Variants in LUZP2 observed in about 807,000 individuals in gnomAD.
LUZP2 encodes leucine zipper protein 2.
LUZP2 carries 52 observed loss-of-function variants against 51.6 expected under a neutral mutation model. The observed-to-expected ratio is 1.01, with a 90% CI of 0.81 to 1.27. LUZP2 has a LOEUF of 1.27. Among genes scored for constraint, LUZP2 ranks in the 50% most tolerant of loss-of-function variants. The probability of loss-of-function intolerance (pLI) is 0.00; values close to 1 mark genes in which losing one functional copy is unlikely to be tolerated. For missense variants in LUZP2, 436 were observed against 395.4 expected, an observed-to-expected ratio of 1.10 and a Z score of -0.87; for synonymous variants, 154 against 137.3, an observed-to-expected ratio of 1.12 and a Z score of -0.85.
intron 5 of LUZP2, among the ~76,000 whole-genome samples, chr11:24,768,557 A>T (rs992246615): frequency 6.6e-6 from 1 of 152,252 alleles, no homozygotes; most frequent in African/African-American, 2.4e-5. Context: ...CAAGCAATTA[A>T]GTAGCAAATA....
intron 1 of LUZP2, among the ~76,000 whole-genome samples, chr11:24,534,684 A>G (rs148840999): frequency 6.6e-6 from 1 of 151,482 alleles, no homozygotes; most frequent in Non-Finnish European, 1.5e-5. Flanking sequence ...TAAATTCCTT[A>G]GCAGACTTAT....
intron 5 of LUZP2, among the ~76,000 whole-genome samples, chr11:24,766,738 T>TA (rs796994897): frequency 5.3e-5 from 8 of 152,178 alleles, no homozygotes; most frequent in Non-Finnish European, 7.4e-5. Flanking sequence ...AGATAAATGC[T>TA]AAAAAAAATT....
In LUZP2 at chr11:24,716,394, G is replaced by A. The variant is rs915422507; in HGVS notation, c.63-12775G>A. ...ACAATGCAAATGAAATTGAAACATT[G>A]AAAGACTATTCCATGATAAGTGAGT... On this transcript the variant is annotated intron_variant, in intron 1 of 11. Transcript: ENST00000336930. Among the ~76,000 whole-genome samples, 20 of 152,148 alleles carry A rather than the reference G, an allele frequency of 1.3e-4. 1 individual carries two copies. The highest frequency in any genetic ancestry group is 7.9e-4 in the Admixed American group (12 of 15,276).
intron 1 of LUZP2, among the ~76,000 whole-genome samples, chr11:24,630,113 T>C (rs1243352217): frequency 6.6e-6 from 1 of 152,032 alleles, no homozygotes; most frequent in Non-Finnish European, 1.5e-5. Flanking sequence ...GGGTATATAT[T>C]GTAAATATTT....
intron 1 of LUZP2, among the ~76,000 whole-genome samples, chr11:24,601,000 G>A (rs1009382859): frequency 6.6e-6 from 1 of 152,050 alleles, no homozygotes; most frequent in East Asian, 1.9e-4. Flanking sequence ...TTAAAAGAAA[G>A]ATATTATTTA....
At chr11:24,947,390 G>T (rs1854928202) in intron 7 of LUZP2, among the ~76,000 whole-genome samples, 1 of 151,846 alleles carries the variant, frequency 6.6e-6, no homozygotes, top group African/African-American at 2.4e-5. Flanking sequence ...GAGGTAGAAA[G>T]GGAGGCAGTA....
Position 24,774,377 on chromosome 11 carries a change from TATATAC to T in LUZP2, c.396+11073_396+11078del, listed in dbSNP as rs1374812786. ...CTCTCTCTCTCTATATATATATATA[TATATAC>T]ATACACACACACATATTTATAAAGA... On this transcript the variant is annotated intron_variant, in intron 5 of 11. Coordinates refer to ENST00000336930, the MANE Select transcript of LUZP2 (RefSeq NM_001009909.4). Among the ~76,000 whole-genome samples, 44 of 112,418 alleles carry T rather than the reference TATATAC, an allele frequency of 3.9e-4. 2 individuals are homozygous for T. The highest frequency in any genetic ancestry group is 8.6e-4 in the South Asian group (3 of 3,508). 73.8% of individuals were successfully genotyped at this position (112,418 alleles called of 152,430 possible).
chr11:24,571,105 C>A lies in LUZP2; in HGVS notation c.62+73800C>A, dbSNP rs890318610. On this transcript the variant is annotated intron_variant, in intron 1 of 11. Coordinates refer to ENST00000336930, the MANE Select transcript of LUZP2 (RefSeq NM_001009909.4). ...CTTGCAACTTAAGCTGCCTGAAGAT[C>A]AGATGGGTTGCCACAAGAAGCAGCG... Among the ~76,000 whole-genome samples, 9 of 152,146 alleles carry A rather than the reference C, an allele frequency of 5.9e-5. No individual in the cohort carries two copies. In the Middle Eastern group the frequency reaches 0.01, roughly 173 times the overall value.
intron 1 of LUZP2, among the ~76,000 whole-genome samples, chr11:24,698,436 C>A (rs1405264088): frequency 1.3e-5 from 2 of 152,110 alleles, no homozygotes; most frequent in African/African-American, 4.8e-5. Flanking sequence ...TATTATTGTG[C>A]TTTGTCTTCA....
At chr11:24,918,403 T>A (rs1248555726) in intron 7 of LUZP2, among the ~76,000 whole-genome samples, 2 of 151,962 alleles carry the variant, frequency 1.3e-5, no homozygotes, top group Non-Finnish European at 2.9e-5. Flanking sequence ...AGGCCATCCC[T>A]CTCTTGTGCC....
chr11:24,743,611 G>A (rs957042772), intron 4 of LUZP2, among the ~76,000 whole-genome samples: 1 of 151,910 alleles, frequency 6.6e-6, no homozygotes, highest in Non-Finnish European at 1.5e-5. Flanking sequence ...GGGTTTTCAA[G>A]GTAAATGATA....
intron 6 of LUZP2, among the ~76,000 whole-genome samples, chr11:24,912,428 T>A (rs1371503388): frequency 6.6e-6 from 1 of 152,114 alleles, no homozygotes; most frequent in African/African-American, 2.4e-5. Context: ...GAATCAATCA[T>A]ACTTATAGCA....
chr11:24,526,555 A>T lies in LUZP2; in HGVS notation c.62+29250A>T, dbSNP rs537357402. On this transcript the variant is annotated intron_variant, in intron 1 of 11. Transcript: ENST00000336930. The stretch of plus-strand genomic sequence containing the variant: ...TTTAGTCTGGATCTATGATCACAAA[A>T]TTATGTTTCTTTTCATTTAACTATG... Among the ~76,000 whole-genome samples, 3 of 151,304 alleles carry T rather than the reference A, an allele frequency of 2.0e-5. No individual in the cohort carries two copies. The South Asian group carries it at 6.2e-4, about 31-fold the overall frequency.
chr11:24,844,548 A>G (rs1851139035), intron 5 of LUZP2, among the ~76,000 whole-genome samples: 1 of 152,196 alleles, frequency 6.6e-6, no homozygotes, highest in Admixed American at 6.5e-5. Flanking sequence ...AAATTTGCAT[A>G]AGTAACAGGC....
chr11:24,679,799 C>T (rs188954357), intron 1 of LUZP2, among the ~76,000 whole-genome samples: 31 of 152,258 alleles, frequency 2.0e-4, no homozygotes, highest in East Asian at 1.7e-3. Context: ...ACTAAGACTT[C>T]AATCCTTAGT....
intron 7 of LUZP2, among the ~76,000 whole-genome samples, chr11:24,970,418 T>G (rs886582469): frequency 1.3e-5 from 2 of 152,200 alleles, no homozygotes; most frequent in African/African-American, 4.8e-5. Context: ...TCTATAAACC[T>G]CAGTGAAATT....
intron 8 of LUZP2, among the ~76,000 whole-genome samples, chr11:24,979,261 G>C (rs767210313): frequency 6.6e-5 from 10 of 151,596 alleles, no homozygotes; most frequent in Non-Finnish European, 1.3e-4. Flanking sequence ...ATCTTGTCAC[G>C]CCTTTTAGTA....
chr11:24,583,764 G>A (rs1852958423), intron 1 of LUZP2, among the ~76,000 whole-genome samples: 1 of 151,150 alleles, frequency 6.6e-6, no homozygotes, highest in Admixed American at 6.6e-5. Flanking sequence ...AGCTCAGTGG[G>A]GCGATCTCGG....
chr11:24,570,118 T>G (rs11028026), intron 1 of LUZP2, among the ~76,000 whole-genome samples: 63,412 of 151,778 alleles, frequency 0.42, 13,771 homozygotes, highest in African/African-American at 0.51. Context: ...CAGATATTTT[T>G]AAGCATATCA....
Sources: allele counts gnomAD v4.1 joint callset (sites outside exome capture counted in the v4.1 genomes callset), GRCh38; gene constraint gnomAD v4.1.1; transcripts MANE v1.5; gene names NCBI Gene and HGNC (gene_info 2026-07-23, HGNC 2026-07-21).